Variants in PABPC4L observed in about 807,000 individuals in gnomAD.
PABPC4L encodes the protein polyadenylate-binding protein 4-like.
For synonymous variants in PABPC4L, 169 were observed against 164.1 expected, an observed-to-expected ratio of 1.03 and a Z score of -0.23; for missense variants, 452 against 451.4, an observed-to-expected ratio of 1.00 and a Z score of -0.01.
the PABPC4L span, among the ~76,000 whole-genome samples, chr4:134,035,603 A>G: frequency 1.3e-5 from 2 of 151,922 alleles, no homozygotes; most frequent in Admixed American, 1.3e-4. Context: ...TTTTAATTGA[A>G]TTTGTTCTTA....
the PABPC4L span, among the ~76,000 whole-genome samples, chr4:134,094,922 T>C: frequency 6.6e-6 from 1 of 151,756 alleles, no homozygotes; most frequent in East Asian, 1.9e-4. Flanking sequence ...CAAAACTTGC[T>C]AACGTGTTTT....
chr4:134,070,926 T>C, the PABPC4L span, among the ~76,000 whole-genome samples: 1 of 152,180 alleles, frequency 6.6e-6, no homozygotes, highest in Non-Finnish European at 1.5e-5. Context: ...ACATTCTCCA[T>C]ATGGCTAAAG....
the PABPC4L span, among the ~76,000 whole-genome samples, chr4:134,119,068 T>A: frequency 6.6e-6 from 1 of 151,810 alleles, no homozygotes; most frequent in African/African-American, 2.4e-5. Context: ...TGTGACACTA[T>A]GTTTTATGCT....
At chr4:134,092,229 C>T in the PABPC4L span, among the ~76,000 whole-genome samples, 1 of 151,940 alleles carries the variant, frequency 6.6e-6, no homozygotes, top group Admixed American at 6.6e-5. Flanking sequence ...ACCACCCAGG[C>T]CTGCCACACC....
the PABPC4L span, among the ~76,000 whole-genome samples, chr4:134,079,578 C>CAAAAAAAAA: frequency 9.3e-4 from 84 of 90,688 alleles, 4 homozygotes; most frequent in African/African-American, 1.8e-3. Flanking sequence ...GACTTCCTCT[C>CAAAAAAAAA]AAAAAAAAAA....
the PABPC4L span, among the ~76,000 whole-genome samples, chr4:134,128,359 C>T: frequency 0.092 from 13,994 of 152,076 alleles, 697 homozygotes; most frequent in South Asian, 0.12. Context: ...GGCACATAGG[C>T]GTCAGGTTAT....
chr4:134,010,289 T>C, the PABPC4L span, among the ~76,000 whole-genome samples: 1 of 152,078 alleles, frequency 6.6e-6, no homozygotes, highest in Admixed American at 6.6e-5. Context: ...GCTTTAAGCA[T>C]GTGAAATCTA....
the PABPC4L span, among the ~76,000 whole-genome samples, chr4:134,040,205 GAAAA>G: frequency 1.8e-5 from 2 of 113,434 alleles, no homozygotes; most frequent in East Asian, 6.7e-4. Flanking sequence ...CACAGAATTG[GAAAA>G]AAAAAAAAAA....
the PABPC4L span, among the ~76,000 whole-genome samples, chr4:134,145,665 TAA>T: frequency 6.6e-6 from 1 of 151,854 alleles, no homozygotes; most frequent in African/African-American, 2.4e-5. Context: ...AGGGCCACAA[TAA>T]AGTTTTTCAT....
the PABPC4L span, among the ~76,000 whole-genome samples, chr4:134,007,070 A>G: frequency 2.8e-4 from 43 of 152,000 alleles, no homozygotes; most frequent in Non-Finnish European, 5.0e-4. Flanking sequence ...TGGAATAGAT[A>G]AGATTTTTAA....
At chr4:134,184,214 A>G in the PABPC4L span, among the ~76,000 whole-genome samples, 1 of 151,954 alleles carries the variant, frequency 6.6e-6, no homozygotes, top group African/African-American at 2.4e-5. Context: ...ATGGCACTAT[A>G]TCATTTTGGG....
the PABPC4L span, among the ~76,000 whole-genome samples, chr4:133,966,497 C>T: frequency 6.6e-6 from 1 of 152,218 alleles, no homozygotes; most frequent in Non-Finnish European, 1.5e-5. Flanking sequence ...GTAAAAGATA[C>T]TTGCACACAT....
the PABPC4L span, among the ~76,000 whole-genome samples, chr4:133,957,191 C>A: frequency 6.6e-6 from 1 of 152,092 alleles, no homozygotes; most frequent in Non-Finnish European, 1.5e-5. Context: ...AAATCAAAAG[C>A]GAGGTAATTA....
chr4:133,989,339 C>T, the PABPC4L span, among the ~76,000 whole-genome samples: 8 of 152,246 alleles, frequency 5.3e-5, no homozygotes, highest in Admixed American at 4.6e-4. Flanking sequence ...GGCTTTGCAA[C>T]TTAGAAATTT....
chr4:134,026,293 T>G, the PABPC4L span, among the ~76,000 whole-genome samples: 1 of 152,006 alleles, frequency 6.6e-6, no homozygotes, highest in African/African-American at 2.4e-5. Context: ...TGGAGTGCAG[T>G]GGCACAATCT....
At chr4:133,998,900 G>A in the PABPC4L span, among the ~76,000 whole-genome samples, 1 of 151,780 alleles carries the variant, frequency 6.6e-6, no homozygotes, top group African/African-American at 2.4e-5. Context: ...AGTTGCTTGG[G>A]TAAACATTTC....
the PABPC4L span, among the ~76,000 whole-genome samples, chr4:133,958,421 G>C: frequency 9.6e-4 from 146 of 152,204 alleles, 3 homozygotes; most frequent in South Asian, 0.029. Context: ...ACATTTTCCT[G>C]TCTTTTTCTG....
the PABPC4L span, among the ~76,000 whole-genome samples, chr4:134,169,436 C>A: frequency 6.6e-6 from 1 of 151,946 alleles, no homozygotes; most frequent in African/African-American, 2.4e-5. Context: ...TACTATAATT[C>A]CTAGCTAGAG....
chr4:134,000,715 C>T, the PABPC4L span, among the ~76,000 whole-genome samples: 4 of 152,048 alleles, frequency 2.6e-5, no homozygotes, highest in Admixed American at 6.6e-5. Context: ...CCATTGAGGA[C>T]GTGACTAGAA....
Sources: gnomAD v4.1 joint callset for allele counts (sites outside exome capture counted in the v4.1 genomes callset) on GRCh38, gnomAD v4.1.1 for gene constraint, MANE v1.5 for transcripts, NCBI Gene and HGNC (gene_info 2026-07-23, HGNC 2026-07-21) for gene names.